The following BRINP1 variants were observed in gnomAD, a reference collection of about 807,000 sequenced individuals.
BRINP1 encodes the protein BMP/retinoic acid-inducible neural-specific protein 1.
Under a neutral mutation model 72.9 loss-of-function variants are expected in BRINP1, and 17 were observed. The observed-to-expected ratio is 0.23, with a 90% CI of 0.16 to 0.35. The LOEUF is 0.35. BRINP1 is among the 10% of genes least tolerant of loss of function. The probability of loss-of-function intolerance (pLI) is 1.00; values close to 1 mark genes in which losing one functional copy is unlikely to be tolerated. For synonymous variants in BRINP1, 418 were observed against 378.5 expected (o/e 1.10, Z -1.21); for missense variants, 850 against 1,001.6 (o/e 0.85, Z 2.04).
At chr9:119,254,400 C>A (rs1270004893) in intron 2 of BRINP1, among the ~76,000 whole-genome samples, 1 of 151,884 alleles carries the variant, frequency 6.6e-6, no homozygotes, top group Non-Finnish European at 1.5e-5. Flanking sequence ...GAGGGAGGGA[C>A]CATAGGGCCA....
chr9:119,367,094 G>A lies in BRINP1; in HGVS notation c.-51+1962C>T, dbSNP rs566972279. 2.0e-4 allele frequency among the ~76,000 whole-genome samples: 31 copies of A among 151,800 alleles called. No homozygotes were observed. In the South Asian group the frequency reaches 6.3e-3, roughly 31 times the overall value. ...CCTGAGGTATCAGCCTCTGGACAGA[G>A]AATGGTATGTCTGCAAGTGCCTGCA... On this transcript the variant is annotated intron_variant, in intron 1 of 7. Transcript: ENST00000265922.
rs1831733009 is a variant in BRINP1 at position 119,369,435 on chromosome 9, T to A, written c.-430A>T. On this transcript the variant is annotated 5_prime_UTR_variant, in exon 1 of 8. Coordinates refer to ENST00000265922, the MANE Select transcript of BRINP1 (RefSeq NM_014618.3). Reference sequence around the variant, plus strand: ...GTCCGGGAGCGAGGCGGCTGGCGAATGGAGAGGGAAGTCCAAGTGCGCCGC... The same window carrying A: ...GTCCGGGAGCGAGGCGGCTGGCGAAAGGAGAGGGAAGTCCAAGTGCGCCGC... 1 of 390,520 alleles carries A rather than the reference T, an allele frequency of 2.6e-6. No individual in the cohort carries two copies. The highest frequency in any genetic ancestry group is 3.6e-5 in the East Asian group (1 of 27,564). The allele number at this position is 390,520 out of a possible 1,614,324, so 24.2% of individuals were successfully genotyped here. A position where few individuals can be genotyped will look rare whatever the true frequency, so the allele number is the denominator to read the frequency against.
chr9:119,266,676 G>T (rs1228702714), intron 2 of BRINP1, among the ~76,000 whole-genome samples: 1 of 152,062 alleles, frequency 6.6e-6, no homozygotes, highest in African/African-American at 2.4e-5. Flanking sequence ...CTCAGTCTCT[G>T]GTAACCACCA....
At chr9:119,285,761 C>A (rs1236089519) in intron 2 of BRINP1, among the ~76,000 whole-genome samples, 1 of 152,134 alleles carries the variant, frequency 6.6e-6, no homozygotes, top group Non-Finnish European at 1.5e-5. Flanking sequence ...CAGAGGATTT[C>A]TGGTGCCTTG....
intron 1 of BRINP1, among the ~76,000 whole-genome samples, chr9:119,360,331 G>A (rs1831616254): frequency 6.6e-6 from 1 of 152,178 alleles, no homozygotes; most frequent in African/African-American, 2.4e-5. Context: ...TTGTGCAGAT[G>A]TTTTTGTCGT....
intron 1 of BRINP1, among the ~76,000 whole-genome samples, chr9:119,367,221 G>GTGTGATATATAT (rs1564259756): frequency 1.3e-4 from 13 of 99,848 alleles, no homozygotes; most frequent in Non-Finnish European, 2.3e-4. Flanking sequence ...GTGTGTGATT[G>GTGTGATATATAT]ATATATATAT....
At chr9:119,273,429 G>T (rs1011124537) in intron 2 of BRINP1, among the ~76,000 whole-genome samples, 14 of 152,094 alleles carry the variant, frequency 9.2e-5, no homozygotes, top group African/African-American at 3.1e-4. Flanking sequence ...TGGGTTTCAG[G>T]GGTTGTGAGG....
intron 3 of BRINP1, among the ~76,000 whole-genome samples, chr9:119,245,778 T>G (rs756986868): frequency 3.3e-5 from 5 of 152,206 alleles, no homozygotes; most frequent in Non-Finnish European, 5.9e-5. Flanking sequence ...TTACCTGACA[T>G]GTCGAAGAGT....
intron 7 of BRINP1, among the ~76,000 whole-genome samples, chr9:119,169,002 A>AAATC (rs1490855124): frequency 3.9e-5 from 6 of 152,218 alleles, no homozygotes; most frequent in Non-Finnish European, 8.8e-5. Flanking sequence ...AAAGGATTAT[A>AAATC]AATCATTCTA....
chr9:119,217,906 C>T (rs1344726966), intron 5 of BRINP1, among the ~76,000 whole-genome samples: 2 of 152,038 alleles, frequency 1.3e-5, no homozygotes, highest in African/African-American at 4.8e-5. Flanking sequence ...AATCTTTGCA[C>T]TTGCGTTTCC....
intron 1 of BRINP1, among the ~76,000 whole-genome samples, chr9:119,322,369 G>A (rs1831197767): frequency 6.6e-6 from 1 of 152,192 alleles, no homozygotes; most frequent in Non-Finnish European, 1.5e-5. Flanking sequence ...GGGGCCCTTG[G>A]CTGAACTGTG....
intron 7 of BRINP1, among the ~76,000 whole-genome samples, chr9:119,172,210 G>C (rs1465517151): frequency 1.3e-5 from 2 of 152,030 alleles, no homozygotes; most frequent in South Asian, 2.1e-4. Flanking sequence ...TTTTTGAAAG[G>C]ATCAACAAAA....
At chr9:119,288,834 C>T (rs1257158527) in intron 2 of BRINP1, among the ~76,000 whole-genome samples, 3 of 151,988 alleles carry the variant, frequency 2.0e-5, no homozygotes, top group Non-Finnish European at 2.9e-5. Flanking sequence ...TCTTGTTGCC[C>T]AGGCTGGAGT....
chr9:119,174,946 A>G (rs2118828410), intron 7 of BRINP1, among the ~76,000 whole-genome samples: 2 of 147,862 alleles, frequency 1.4e-5, no homozygotes, highest in South Asian at 4.4e-4. Context: ...GAAGGGGAAT[A>G]TCACACTCTG....
At chr9:119,170,622 T>C (rs1488958409) in intron 7 of BRINP1, among the ~76,000 whole-genome samples, 1 of 148,782 alleles carries the variant, frequency 6.7e-6, no homozygotes, top group African/African-American at 2.5e-5. Context: ...ATTCAGGAAA[T>C]ACAGAGAATG....
chr9:119,241,791 G>A (rs1285859225), intron 4 of BRINP1, among the ~76,000 whole-genome samples: 2 of 152,204 alleles, frequency 1.3e-5, no homozygotes, highest in Non-Finnish European at 2.9e-5. Context: ...CTGAATGAGA[G>A]AACTGTTGAT....
intron 4 of BRINP1, 103 bp downstream of exon 4, chr9:119,241,944 T>C (rs1019727045): frequency 1.5e-6 from 2 of 1,297,764 alleles, no homozygotes; most frequent in Non-Finnish European, 1.1e-6. Context: ...AGCTACATGG[T>C]TATGAACCCA....
intron 2 of BRINP1, among the ~76,000 whole-genome samples, chr9:119,249,542 T>C (rs1009656825): frequency 6.6e-6 from 1 of 152,116 alleles, no homozygotes; most frequent in African/African-American, 2.4e-5. Context: ...TGGTATTTTA[T>C]AGTTTCCAAG....
chr9:119,356,407 T>C (rs1400814165), intron 1 of BRINP1, among the ~76,000 whole-genome samples: 2 of 152,240 alleles, frequency 1.3e-5, no homozygotes, highest in East Asian at 3.8e-4. Context: ...ATCTTCTCAA[T>C]TAAATGTCAG....
Sources: gnomAD v4.1 joint callset for allele counts (sites outside exome capture counted in the v4.1 genomes callset) on GRCh38, gnomAD v4.1.1 for gene constraint, MANE v1.5 for transcripts, NCBI Gene and HGNC (gene_info 2026-07-23, HGNC 2026-07-21) for gene names.